RRM2: variants seen among roughly 807,000 people sequenced by gnomAD.
RRM2 encodes ribonucleotide reductase regulatory subunit M2.
A neutral mutation model predicts 45.9 loss-of-function variants in RRM2; 6 were observed. The observed-to-expected ratio is 0.13, with a 90% CI of 0.07 to 0.26. The LOEUF is 0.26. RRM2 is among the 10% of genes least tolerant of loss of function. RRM2 has a pLI of 1.00. For synonymous variants in RRM2, 177 were observed against 173.0 expected, an observed-to-expected ratio of 1.02 and a Z score of -0.18; for missense variants, 343 against 489.5, an observed-to-expected ratio of 0.70 and a Z score of 2.82.
At chr2:10,136,870 G>A (rs897343627), upstream of RRM2, among the ~76,000 whole-genome samples, 8 of 152,142 alleles carry the variant, frequency 5.3e-5, no homozygotes, top group African/African-American at 1.9e-4. Context: ...GGGGGTGAGG[G>A]GTGGGTAGAA....
intron 3 of RRM2, among the ~76,000 whole-genome samples, chr2:10,179,777 A>G (rs1664005942): frequency 6.6e-6 from 1 of 152,228 alleles, no homozygotes; most frequent in Non-Finnish European, 1.5e-5. Flanking sequence ...TCCTGAGTTG[A>G]ACCATCATAA....
intron 3 of RRM2, chr2:10,142,445 C>T (rs1663104748): frequency 1.5e-6 from 2 of 1,344,162 alleles, no homozygotes; most frequent in Non-Finnish European, 2.0e-6. Context: ...CGGGGCCTGT[C>T]ATCTGCTGTT....
intron 3 of RRM2, among the ~76,000 whole-genome samples, chr2:10,148,143 C>CAAAAAAAAAAA (rs374826185): frequency 8.4e-6 from 1 of 119,564 alleles, no homozygotes; most frequent in Non-Finnish European, 1.7e-5. Flanking sequence ...GACCCTGACT[C>CAAAAAAAAAAA]AAAAAAAAAA....
chr2:10,171,427 C>T lies in RRM2; in HGVS notation n.482+29052C>T, dbSNP rs993523883. On this transcript the variant is annotated intron_variant and non_coding_transcript_variant, in intron 3 of 3. Transcript: ENST00000381786. The surrounding 1 kb of genome is among the most constrained non-coding windows in gnomAD (Gnocchi z 4.1). ...TGCATCTCCCGCCTTCCTCCTGAGC[C>T]GTGCTTCCAGGGCAGCCCCGGCCCT... Among the ~76,000 whole-genome samples, 2 of 152,220 alleles carry T rather than the reference C, an allele frequency of 1.3e-5. No individual in the cohort carries two copies. The highest frequency in any genetic ancestry group is 1.5e-5 in the Non-Finnish European group (1 of 68,042).
In RRM2 at chr2:10,123,054, G is replaced by A. The variant is rs946651202; in HGVS notation, c.171G>A (p.Glu57=). 1.9e-6 allele frequency: 3 copies of A among 1,559,356 alleles called. No individual in the cohort carries two copies. The highest frequency in any genetic ancestry group is 2.7e-5 in the African/African-American group (2 of 74,318). The change falls in exon 2 of 10, where the codon GAG becomes GAA. Residue 57 remains glutamate, a synonymous_variant. Transcript: ENST00000304567. ...GGAGGATCTTCCAGGAGCCCACGGA[G>A]CCGGTGAGTGGCGGGCGTGGGGCAG... ...TARRIFQEPT[E]PKTKAAAPGV...
At chr2:10,190,420 TTGG>T (rs975088569) in intron 3 of RRM2, among the ~76,000 whole-genome samples, 1 of 96,208 alleles carries the variant, frequency 1.0e-5, no homozygotes, top group African/African-American at 4.1e-5. Context: ...GATGGGGGGG[TTGG>T]TGGTGATGAG....
chr2:10,194,359 G>T (rs762631838), intron 3 of RRM2, among the ~76,000 whole-genome samples: 1 of 152,202 alleles, frequency 6.6e-6, no homozygotes, highest in Non-Finnish European at 1.5e-5. Flanking sequence ...GGGGCTCTGG[G>T]GGTAAGGCCT....
rs1230806562 is a variant in RRM2 at position 10,195,328 on chromosome 2, C to T, written n.483-14983C>T. Among the ~76,000 whole-genome samples, 1 of 151,898 alleles carries T rather than the reference C, an allele frequency of 6.6e-6. No individual in the cohort carries two copies. Among genetic ancestry groups the T allele is most frequent in the Non-Finnish European group, 1.5e-5 (1 of 67,966 alleles). On this transcript the variant is annotated intron_variant and non_coding_transcript_variant, in intron 3 of 3. Coordinates refer to the RRM2 transcript ENST00000381786. This position sits in a 1 kb window ranked among gnomAD's most constrained non-coding sequence, Gnocchi z 4.9. ...TGGTCCCAGGAGGATGGGTGGGGTT[C>T]GGAGGCAGAGGGCTGGACTTGGAAG... is the stretch of plus-strand genomic sequence containing the variant.
At chr2:10,194,231 G>C (rs1421052732) in intron 3 of RRM2, among the ~76,000 whole-genome samples, 2 of 152,242 alleles carry the variant, frequency 1.3e-5, no homozygotes, top group African/African-American at 4.8e-5. Flanking sequence ...GCCGTGGCCA[G>C]CTTCCGGGCT....
intron 3 of RRM2, among the ~76,000 whole-genome samples, chr2:10,160,194 C>T (rs1270191713): frequency 6.6e-6 from 1 of 152,212 alleles, no homozygotes; most frequent in African/African-American, 2.4e-5. Flanking sequence ...TGAGCTGCAC[C>T]CCTTTCCAGG....
Position 10,205,513 on chromosome 2 carries a change from T to C in RRM2, n.483-4798T>C, listed in dbSNP as rs1411284143. On this transcript the variant is annotated intron_variant and non_coding_transcript_variant, in intron 3 of 3. Coordinates refer to the RRM2 transcript ENST00000381786. This position sits in a 1 kb window ranked among gnomAD's most constrained non-coding sequence, Gnocchi z 4.8. ...GAGGTGGGGGAAGGCTCTGTTCTTT[T>C]ACTTTTCTGGTTCTAGTTTCTCAGG... 6.6e-6 allele frequency among the ~76,000 whole-genome samples: 1 copy of C among 152,178 alleles called. No individual in the cohort carries two copies. Among genetic ancestry groups the C allele is most frequent in the Non-Finnish European group, 1.5e-5 (1 of 68,026 alleles).
downstream of RRM2, among the ~76,000 whole-genome samples, chr2:10,136,209 G>A (rs996921958): frequency 1.3e-5 from 2 of 152,212 alleles, no homozygotes; most frequent in Non-Finnish European, 2.9e-5. Context: ...ATTATGCAAC[G>A]TGGCCACACT....
At chr2:10,132,683 C>A (rs1467217238), downstream of RRM2, among the ~76,000 whole-genome samples, 1 of 152,076 alleles carries the variant, frequency 6.6e-6, no homozygotes, top group East Asian at 1.9e-4. Flanking sequence ...GATCTGTGTC[C>A]CAGAGGAACC....
intron 4 of RRM2, chr2:10,124,108 C>CTTTT: frequency 3.2e-5 from 8 of 252,212 alleles, no homozygotes; most frequent in East Asian, 1.0e-4. Context: ...TCTGCCCCCT[C>CTTTT]TTTTTTTTTT....
chr2:10,193,435 T>TGGGTGCC (rs1664351288), intron 3 of RRM2, among the ~76,000 whole-genome samples: 1 of 152,204 alleles, frequency 6.6e-6, no homozygotes, highest in Non-Finnish European at 1.5e-5. Flanking sequence ...TCCACGGGGC[T>TGGGTGCC]GGGTGCCGGG....
chr2:10,177,696 TTCCTTCCTTC>T (rs1663949087), intron 3 of RRM2, among the ~76,000 whole-genome samples: 1 of 149,702 alleles, frequency 6.7e-6, no homozygotes, highest in African/African-American at 2.5e-5. Context: ...CCTTCCTTCC[TTCCTTCCTTC>T]CTCTCTCCCT....
chr2:10,144,718 G>C (rs1484120172), intron 3 of RRM2, among the ~76,000 whole-genome samples: 1 of 152,172 alleles, frequency 6.6e-6, no homozygotes, highest in East Asian at 1.9e-4. Context: ...GAATCTAGGA[G>C]GTTGTCTTTA....
chr2:10,154,397 A>G (rs1303958091), intron 3 of RRM2, among the ~76,000 whole-genome samples: 1 of 103,008 alleles, frequency 9.7e-6, no homozygotes, highest in Non-Finnish European at 1.8e-5. Context: ...GAATTGCTTG[A>G]ACCTGGTGGG....
chr2:10,162,405 G>C (rs544997560), intron 3 of RRM2, among the ~76,000 whole-genome samples: 1 of 152,108 alleles, frequency 6.6e-6, no homozygotes, highest in African/African-American at 2.4e-5. Flanking sequence ...AATCAGAGAC[G>C]GGGATGAGTC....
Sources: gnomAD v4.1 joint callset for allele counts (sites outside exome capture counted in the v4.1 genomes callset) on GRCh38, gnomAD v4.1.1 for gene constraint, Gnocchi (gnomAD v3.1) non-coding constraint, MANE v1.5 for transcripts, NCBI Gene and HGNC (gene_info 2026-07-23, HGNC 2026-07-21) for gene names.